ZNF385D: variants seen among roughly 807,000 people sequenced by gnomAD.
ZNF385D encodes the protein zinc finger protein 659.
A neutral mutation model predicts 35.8 loss-of-function variants in ZNF385D; 15 were observed. That is an observed-to-expected ratio of 0.42 (90% CI 0.28 to 0.64). The LOEUF is 0.64. Ranked by LOEUF, ZNF385D falls within the 30% of genes least tolerant of loss-of-function variation. The pLI, the probability that ZNF385D is intolerant of heterozygous loss-of-function variation, is 0.23. For synonymous variants in ZNF385D, 212 were observed against 186.8 expected, an observed-to-expected ratio of 1.13 and a Z score of -1.10; for missense variants, 474 against 494.6, an observed-to-expected ratio of 0.96 and a Z score of 0.39.
At chr3:21,947,373 A>T (rs1701844422) in intron 3 of ZNF385D, among the ~76,000 whole-genome samples, 1 of 151,988 alleles carries the variant, frequency 6.6e-6, no homozygotes, top group East Asian at 1.9e-4. Flanking sequence ...TTATTTTGAG[A>T]CAGAGTCTCG....
intron 3 of ZNF385D, among the ~76,000 whole-genome samples, chr3:21,852,419 T>C (rs1424787223): frequency 6.6e-6 from 1 of 151,914 alleles, no homozygotes; most frequent in Non-Finnish European, 1.5e-5. Flanking sequence ...GTGACTGTAA[T>C]AGACAGCATT....
At chr3:21,917,206 C>T (rs987668406) in intron 3 of ZNF385D, among the ~76,000 whole-genome samples, 11 of 152,152 alleles carry the variant, frequency 7.2e-5, no homozygotes, top group South Asian at 2.1e-4. Context: ...CCGAGGTGGA[C>T]GGATCACTTG....
intron 2 of ZNF385D, among the ~76,000 whole-genome samples, chr3:22,325,832 A>T (rs1346035469): frequency 6.6e-6 from 1 of 151,356 alleles, no homozygotes; most frequent in Non-Finnish European, 1.5e-5. Flanking sequence ...AAAGAATCAC[A>T]TTTTTTTTTC....
intron 3 of ZNF385D, among the ~76,000 whole-genome samples, chr3:21,966,851 G>T (rs1396977419): frequency 2.6e-5 from 4 of 152,330 alleles, no homozygotes; most frequent in South Asian, 2.1e-4. Context: ...GAGGCCGAAG[G>T]ATTATAGGGA....
intron 3 of ZNF385D, among the ~76,000 whole-genome samples, chr3:21,781,067 C>T (rs1269318280): frequency 6.6e-6 from 1 of 151,904 alleles, no homozygotes; most frequent in Admixed American, 6.6e-5. Flanking sequence ...TTAGTGGATT[C>T]CCCCAGGCTG....
intron 1 of ZNF385D, among the ~76,000 whole-genome samples, chr3:21,690,888 A>G (rs1305280268): frequency 2.0e-5 from 3 of 152,084 alleles, no homozygotes; most frequent in Non-Finnish European, 2.9e-5. Flanking sequence ...ACTTGCCATC[A>G]CCCTGTGCAC....
chr3:22,235,463 T>A (rs114246093), intron 2 of ZNF385D, among the ~76,000 whole-genome samples: 2,335 of 152,144 alleles, frequency 0.015, 56 homozygotes, highest in African/African-American at 0.053. Flanking sequence ...TCAATAGAAC[T>A]AAAATATTAG....
At chr3:21,468,715 G>C (rs1259549490) in intron 4 of ZNF385D, among the ~76,000 whole-genome samples, 1 of 152,060 alleles carries the variant, frequency 6.6e-6, no homozygotes, top group African/African-American at 2.4e-5. Flanking sequence ...CACGAGGTCA[G>C]GAGATTGAGA....
chr3:21,810,664 T>C (rs1441586712), intron 3 of ZNF385D, among the ~76,000 whole-genome samples: 1 of 152,094 alleles, frequency 6.6e-6, no homozygotes, highest in Non-Finnish European at 1.5e-5. Flanking sequence ...TAAAGCTGGA[T>C]TGTTTGAAAT....
chr3:21,760,062 A>G (rs1009511107), intron 3 of ZNF385D, among the ~76,000 whole-genome samples: 3 of 152,166 alleles, frequency 2.0e-5, no homozygotes, highest in Middle Eastern at 3.2e-3. Flanking sequence ...GAAGTGTGTA[A>G]TGGGAAAACA....
Position 21,994,730 on chromosome 3 carries a change from T to C in ZNF385D, c.325+174087A>G, listed in dbSNP as rs544639317. On this transcript the variant is annotated intron_variant, in intron 3 of 5. Coordinates refer to the ZNF385D transcript ENST00000494108. ...ACTATAGATGTATCAATAGTGCTGA[T>C]TGTGTAGGGTGCTTTGGCTTTGATT... Among the ~76,000 whole-genome samples the C allele has an allele frequency of 2.2e-4, 34 of 152,306 alleles. No individual in the cohort carries two copies. In the South Asian group the frequency reaches 6.6e-3, roughly 30 times the overall value.
intron 2 of ZNF385D, among the ~76,000 whole-genome samples, chr3:22,183,977 A>T (rs1695460397): frequency 6.6e-6 from 1 of 152,170 alleles, no homozygotes; most frequent in Non-Finnish European, 1.5e-5. Context: ...TAGGGTACAA[A>T]ACTATGAGTT....
chr3:21,980,175 CAACAGT>C (rs1178304247), intron 3 of ZNF385D, among the ~76,000 whole-genome samples: 1 of 152,098 alleles, frequency 6.6e-6, no homozygotes, highest in East Asian at 1.9e-4. Flanking sequence ...TGCCAACAAC[CAACAGT>C]AACTTTCTTG....
chr3:21,516,123 C>T (rs1201445723), intron 3 of ZNF385D, among the ~76,000 whole-genome samples: 1 of 152,214 alleles, frequency 6.6e-6, no homozygotes, highest in Non-Finnish European at 1.5e-5. Flanking sequence ...AGCAACCATT[C>T]TCTAGTCCCC....
At chr3:21,993,425 C>T (rs1401124507) in intron 3 of ZNF385D, among the ~76,000 whole-genome samples, 4 of 152,068 alleles carry the variant, frequency 2.6e-5, no homozygotes, top group African/African-American at 9.7e-5. Context: ...TAAATAATAA[C>T]CTACTGGAAA....
At chr3:21,750,480 A>C (rs2070013300) in intron 1 of ZNF385D, among the ~76,000 whole-genome samples, 1 of 152,054 alleles carries the variant, frequency 6.6e-6, no homozygotes, top group African/African-American at 2.4e-5. Flanking sequence ...AAACCAGCAA[A>C]TACTGAATGA....
intron 2 of ZNF385D, among the ~76,000 whole-genome samples, chr3:22,216,218 A>T (rs1010214819): frequency 6.6e-6 from 1 of 152,096 alleles, no homozygotes; most frequent in Non-Finnish European, 1.5e-5. Flanking sequence ...TATGTTAATA[A>T]AACATTTTTA....
At chr3:22,263,450 T>G (rs1194451713) in intron 2 of ZNF385D, among the ~76,000 whole-genome samples, 1 of 152,078 alleles carries the variant, frequency 6.6e-6, no homozygotes, top group Non-Finnish European at 1.5e-5. Flanking sequence ...TTTCTTTGAC[T>G]ATTCCACCTG....
chr3:21,716,891 A>G (rs747061261), intron 1 of ZNF385D, among the ~76,000 whole-genome samples: 14 of 152,064 alleles, frequency 9.2e-5, no homozygotes, highest in Non-Finnish European at 1.8e-4. Context: ...TGGGAGGCTG[A>G]GGCGGGTGGA....
Sources: allele counts gnomAD v4.1 joint callset (sites outside exome capture counted in the v4.1 genomes callset), GRCh38; gene constraint gnomAD v4.1.1; transcripts MANE v1.5; gene names NCBI Gene and HGNC (gene_info 2026-07-23, HGNC 2026-07-21).